PPP2R5C: variants seen among roughly 807,000 people sequenced by gnomAD.
The protein encoded by PPP2R5C is serine/threonine-protein phosphatase 2A 56 kDa regulatory subunit gamma isoform.
A neutral mutation model predicts 68.9 loss-of-function variants in PPP2R5C; 7 were observed. The ratio of observed to expected loss-of-function variants is 0.10; its 90% CI spans 0.06 to 0.19. The LOEUF (loss-of-function observed/expected upper bound fraction) is 0.19. Ranked by LOEUF, PPP2R5C falls within the 10% of genes least tolerant of loss-of-function variation. The pLI is 1.00. For missense variants in PPP2R5C, 348 were observed against 641.3 expected (o/e 0.54, Z 4.94); for synonymous variants, 210 against 222.2 (o/e 0.95, Z 0.49).
In PPP2R5C at chr14:101,825,524, G is replaced by T. The variant is rs1002380770; in HGVS notation, c.94+15488G>T. The stretch of plus-strand genomic sequence containing the variant: ...CCTATTTGGGGTGCACACGCTCATC[G>T]ATGAGGGCAACAGAACACAGCATGC... On this transcript the variant is annotated intron_variant, in intron 1 of 13. Transcript: ENST00000334743. This position sits in a 1 kb window ranked among gnomAD's most constrained non-coding sequence, Gnocchi z 4.0. Among the ~76,000 whole-genome samples, 1 of 152,134 alleles carries T rather than the reference G, an allele frequency of 6.6e-6. No individual in the cohort carries two copies. Among genetic ancestry groups the T allele is most frequent in the African/African-American group, 2.4e-5 (1 of 41,412 alleles).
intron 2 of PPP2R5C, among the ~76,000 whole-genome samples, chr14:101,776,427 C>G (rs912850938): frequency 6.6e-6 from 1 of 152,044 alleles, no homozygotes; most frequent in African/African-American, 2.4e-5. Context: ...AGATAGATAC[C>G]CAGTTTTTAT....
rs1407043885 is a variant in PPP2R5C at position 101,915,235 on chromosome 14, C to T, written c.1327-2596C>T. Among the ~76,000 whole-genome samples the T allele has an allele frequency of 6.6e-6, 1 of 152,112 alleles. No homozygotes were observed. Among genetic ancestry groups the T allele is most frequent in the African/African-American group, 2.4e-5 (1 of 41,400 alleles). Reference sequence around the variant, plus strand: ...ATGCTGGGACTACAGGTGCACGCCACCATGCCTGGCTAATTTTTGTATTTT... The same window carrying T: ...ATGCTGGGACTACAGGTGCACGCCATCATGCCTGGCTAATTTTTGTATTTT... On this transcript the variant is annotated intron_variant, in intron 12 of 13. Coordinates refer to ENST00000334743, the Ensembl canonical transcript of PPP2R5C. The surrounding 1 kb of genome is among the most constrained non-coding windows in gnomAD (Gnocchi z 4.2).
chr14:101,766,548 CTT>C (rs2036869756), intron 2 of PPP2R5C: 1 of 152,198 alleles, frequency 6.6e-6, no homozygotes, highest in African/African-American at 2.4e-5. Context: ...TGCCCTGTAA[CTT>C]TTGCCTTATT....
intron 1 of PPP2R5C, among the ~76,000 whole-genome samples, chr14:101,827,382 A>AT (rs2040462257): frequency 6.6e-6 from 1 of 152,204 alleles, no homozygotes. Context: ...ATACCCCAGC[A>AT]TAAAAGGCCA....
chr14:101,865,651 G>C (rs750367271), intron 2 of PPP2R5C, among the ~76,000 whole-genome samples: 3 of 152,184 alleles, frequency 2.0e-5, no homozygotes, highest in Non-Finnish European at 2.9e-5. Context: ...TGCAAGCTTG[G>C]TTCTGTCTGC....
In PPP2R5C at chr14:101,879,381, T is replaced by G. The variant is rs1403644658; in HGVS notation, c.295-2780T>G. On this transcript the variant is annotated intron_variant, in intron 2 of 13. Transcript: ENST00000334743. This position sits in a 1 kb window ranked among gnomAD's most constrained non-coding sequence, Gnocchi z 4.2. ...GTCTCTGGGTGAGCTGACCCCTCTC[T>G]CCCTTGGCAGCTTCCTGGGCGGCGT... The G allele has an allele frequency of 1.3e-5, 2 of 152,748 alleles. No homozygotes were observed. Among genetic ancestry groups the G allele is most frequent in the Non-Finnish European group, 2.9e-5 (2 of 68,540 alleles). The allele number at this position is 152,748 out of a possible 1,614,324, so 9.5% of individuals were successfully genotyped here. A position where few individuals can be genotyped will look rare whatever the true frequency, so the allele number is the denominator to read the frequency against.
chr14:101,848,251 G>C (rs2041957096), intron 1 of PPP2R5C, among the ~76,000 whole-genome samples: 1 of 152,078 alleles, frequency 6.6e-6, no homozygotes, highest in East Asian at 1.9e-4. Context: ...TGTGTTGGGG[G>C]GCCGGGCGTG....
At chr14:101,924,730 C>G (rs2047206304) in intron 13 of PPP2R5C, among the ~76,000 whole-genome samples, 1 of 151,982 alleles carries the variant, frequency 6.6e-6, no homozygotes, top group Non-Finnish European at 1.5e-5. Flanking sequence ...CATGAGCCAC[C>G]GCACCCAGCC....
intron 2 of PPP2R5C, among the ~76,000 whole-genome samples, chr14:101,867,259 G>A (rs2043131272): frequency 1.3e-5 from 2 of 151,622 alleles, no homozygotes; most frequent in Admixed American, 1.3e-4. Context: ...TTAATAGCTG[G>A]GTGTGGTGGC....
In PPP2R5C at chr14:101,905,373, G is replaced by T. The variant is rs372137218; in HGVS notation, c.1024-1029G>T. On this transcript the variant is annotated intron_variant, in intron 9 of 13. Transcript: ENST00000334743. ...CATCTCTTTTTAAAAAACAAAAATGGATGGGCTAGGCGTGGTAGCTCACGC... is the reference window on the plus strand; with the variant it reads ...CATCTCTTTTTAAAAAACAAAAATGTATGGGCTAGGCGTGGTAGCTCACGC... Among the ~76,000 whole-genome samples the T allele has an allele frequency of 5.3e-4, 79 of 148,978 alleles. 1 individual carries two copies. The South Asian group carries it at 0.016, about 31-fold the overall frequency.
At chr14:101,898,116 C>T (rs559986609) in intron 8 of PPP2R5C, among the ~76,000 whole-genome samples, 16 of 152,112 alleles carry the variant, frequency 1.1e-4, no homozygotes, top group Non-Finnish European at 1.5e-4. Context: ...GCTATGAACG[C>T]ACCAACTTCA....
chr14:101,840,968 G>C (rs1448846294), intron 1 of PPP2R5C, among the ~76,000 whole-genome samples: 4 of 152,190 alleles, frequency 2.6e-5, no homozygotes, highest in African/African-American at 9.7e-5. Flanking sequence ...TAACAAGATT[G>C]AGTTATAGAT....
upstream of PPP2R5C, among the ~76,000 whole-genome samples, chr14:101,761,432 G>T (rs921185077): frequency 6.6e-6 from 1 of 151,644 alleles, no homozygotes; most frequent in South Asian, 2.1e-4. Flanking sequence ...GCCGCGGCCT[G>T]CCTGAGGCCG....
At chr14:101,817,590 G>A (rs1254641129) in intron 1 of PPP2R5C, among the ~76,000 whole-genome samples, 1 of 152,124 alleles carries the variant, frequency 6.6e-6, no homozygotes, top group East Asian at 1.9e-4. Context: ...CACACTAGAA[G>A]ATAAGATAAA....
intron 1 of PPP2R5C, among the ~76,000 whole-genome samples, chr14:101,845,479 C>T (rs960556674): frequency 6.6e-6 from 1 of 152,178 alleles, no homozygotes. Context: ...CCACCCTTCC[C>T]CACCCATTCC....
At chr14:101,904,402 G>A (rs1251803972) in intron 9 of PPP2R5C, among the ~76,000 whole-genome samples, 4 of 152,162 alleles carry the variant, frequency 2.6e-5, no homozygotes, top group South Asian at 2.1e-4. Flanking sequence ...CACCTGCCTC[G>A]GCCTCCCAAA....
chr14:101,884,881 G>A (rs994484979), intron 5 of PPP2R5C, among the ~76,000 whole-genome samples: 4 of 152,348 alleles, frequency 2.6e-5, no homozygotes, highest in Middle Eastern at 6.8e-3. Flanking sequence ...TGCCAGTTTC[G>A]TGCTCCCCAC....
intron 1 of PPP2R5C, among the ~76,000 whole-genome samples, chr14:101,852,458 ATTTTCT>A (rs1566907222): frequency 8.2e-6 from 1 of 121,896 alleles, no homozygotes; most frequent in African/African-American, 3.1e-5. Flanking sequence ...CTTTTTTTTC[ATTTTCT>A]TTTTCTTTTT....
Position 101,882,402 on chromosome 14 carries a change from A to G in PPP2R5C, c.405+131A>G, listed in dbSNP as rs1004986259. On this transcript the variant is annotated intron_variant, in intron 3 of 13. Transcript: ENST00000334743. This position sits in a 1 kb window ranked among gnomAD's most constrained non-coding sequence, Gnocchi z 4.9. ...TCAGTAGCATGGGCCTCGTAAACCC[A>G]TATGTACAAGAAAAATATTTCAGCA... The G allele has an allele frequency of 3.4e-6, 2 of 583,264 alleles. No homozygotes were observed. Among genetic ancestry groups the G allele is most frequent in the Non-Finnish European group, 6.0e-6 (2 of 333,576 alleles). The allele number at this position is 583,264 out of a possible 1,614,324, so 36.1% of individuals were successfully genotyped here.
Sources: gnomAD v4.1 joint callset for allele counts (sites outside exome capture counted in the v4.1 genomes callset) on GRCh38, gnomAD v4.1.1 for gene constraint, Gnocchi (gnomAD v3.1) non-coding constraint, MANE v1.5 for transcripts, NCBI Gene and HGNC (gene_info 2026-07-23, HGNC 2026-07-21) for gene names.